Variants in INTS3 observed in about 807,000 individuals in gnomAD.
The protein encoded by INTS3 is SOSS complex subunit A.
Under a neutral mutation model 146.3 loss-of-function variants are expected in INTS3, and 34 were observed. The ratio of observed to expected loss-of-function variants is 0.23; its 90% CI spans 0.18 to 0.31. The LOEUF (loss-of-function observed/expected upper bound fraction) is 0.31. INTS3 is among the 10% of genes least tolerant of loss of function. The pLI, the probability that INTS3 is intolerant of heterozygous loss-of-function variation, is 1.00. For synonymous variants in INTS3, 475 were observed against 494.9 expected (o/e 0.96, Z 0.53); for missense variants, 757 against 1,304.2 (o/e 0.58, Z 6.46).
At chr1:153,744,038 CGTGTGTGTGTGT>C (rs200825280) in intron 3 of INTS3, among the ~76,000 whole-genome samples, 93 of 142,340 alleles carry the variant, frequency 6.5e-4, no homozygotes, top group Non-Finnish European at 8.9e-4. Flanking sequence ...TGTGCATGTG[CGTGTGTGTGTGT>C]GTGTGTGTGT....
In INTS3 at chr1:153,748,772, A is replaced by G. The variant is rs1409475730; in HGVS notation, c.584+17A>G. On this transcript the variant is annotated intron_variant, in intron 6 of 29. Transcript: ENST00000318967. ...AGAGCAAAGGTAGCATCCACCACGA[A>G]GGGTGGGGTACAGGCCAGATAATGG... 5.0e-6 allele frequency: 8 copies of G among 1,602,638 alleles called. No individual in the cohort carries two copies. The highest frequency in any genetic ancestry group is 6.0e-6 in the Non-Finnish European group (7 of 1,169,446).
intron 3 of INTS3, among the ~76,000 whole-genome samples, chr1:153,746,270 G>A (rs9426902): frequency 0.48 from 73,637 of 151,924 alleles, 18,863 homozygotes; most frequent in African/African-American, 0.64. Flanking sequence ...TGACTGGCAG[G>A]TGAAAAGCAG....
chr1:153,769,036 C>G (rs74115713), intron 22 of INTS3, 75 bp downstream of exon 22: 5 of 1,202,650 alleles, frequency 4.2e-6, no homozygotes, highest in Non-Finnish European at 2.5e-6. Flanking sequence ...GCTCTCCCTC[C>G]AGGCCTGCAG....
intron 1 of INTS3, among the ~76,000 whole-genome samples, chr1:153,739,381 T>A (rs1007190157): frequency 2.1e-5 from 3 of 144,584 alleles, no homozygotes; most frequent in African/African-American, 7.8e-5. Flanking sequence ...TCACTCTTGT[T>A]GCCCAGGCTG....
In INTS3 at chr1:153,773,983, T is replaced by C. The variant is rs549265214; in HGVS notation, c.*713T>C. 6.0e-6 allele frequency: 1 copy of C among 166,322 alleles called. No individual in the cohort carries two copies. Among genetic ancestry groups the C allele is most frequent in the Non-Finnish European group, 1.5e-5 (1 of 67,934 alleles). 10.3% of individuals were successfully genotyped at this position (166,322 alleles called of 1,614,324 possible). A position where few individuals can be genotyped will look rare whatever the true frequency, so the allele number is the denominator to read the frequency against. ...TGTCAAATGATCCCATTTCCTTGAG[T>C]CTGTTTTTTTTTTTGTTTTTTTTTG... is the stretch of plus-strand genomic sequence containing the variant. On this transcript the variant is annotated 3_prime_UTR_variant, in exon 30 of 30. Coordinates refer to ENST00000318967, the MANE Select transcript of INTS3 (RefSeq NM_023015.5).
intron 6 of INTS3, among the ~76,000 whole-genome samples, chr1:153,749,467 T>C (rs1262000882): frequency 6.6e-6 from 1 of 152,230 alleles, no homozygotes; most frequent in Non-Finnish European, 1.5e-5. Context: ...GGGCTAATAG[T>C]GTCCATACTA....
chr1:153,752,226 C>T lies in INTS3; in HGVS notation c.730-53C>T, dbSNP rs936176391. ...CTTTGTCCTCCCTCCAGCAGGTAAA[C>T]AATCCATGTTTTTATTCTCTTTCCT... On this transcript the variant is annotated intron_variant, in intron 7 of 29. Transcript: ENST00000318967. 5 of 1,573,586 alleles carry T rather than the reference C, an allele frequency of 3.2e-6. No individual in the cohort carries two copies. In the African/African-American group the frequency reaches 6.8e-5, roughly 21 times the overall value.
chr1:153,750,506 T>G (rs1671918141), intron 6 of INTS3, among the ~76,000 whole-genome samples: 1 of 152,164 alleles, frequency 6.6e-6, no homozygotes, highest in Admixed American at 6.5e-5. Context: ...GGACTCGTTG[T>G]GTATCAGTGA....
At chr1:153,737,246 A>G (rs1164476330) in intron 1 of INTS3, among the ~76,000 whole-genome samples, 3 of 152,182 alleles carry the variant, frequency 2.0e-5, no homozygotes, top group African/African-American at 7.2e-5. Flanking sequence ...GGTTTTTCTT[A>G]AACAGTTTTT....
intron 1 of INTS3, among the ~76,000 whole-genome samples, chr1:153,734,077 T>A (rs1671195987): frequency 6.6e-6 from 1 of 151,982 alleles, no homozygotes; most frequent in African/African-American, 2.4e-5. Context: ...GAAACCATGG[T>A]CAGGTAGTCT....
chr1:153,733,456 C>T (rs1671166960), intron 1 of INTS3, among the ~76,000 whole-genome samples: 1 of 151,330 alleles, frequency 6.6e-6, no homozygotes, highest in Non-Finnish European at 1.5e-5. Context: ...CGTGATCTTC[C>T]TGCCTCAGCT....
intron 1 of INTS3, among the ~76,000 whole-genome samples, chr1:153,732,336 C>G (rs771040652): frequency 1.2e-4 from 18 of 152,222 alleles, no homozygotes; most frequent in South Asian, 2.1e-4. Context: ...TGAGTCACTT[C>G]TAGTTTTTGT....
intron 9 of INTS3, among the ~76,000 whole-genome samples, chr1:153,755,978 TG>T (rs1223267860): frequency 2.0e-5 from 3 of 151,576 alleles, no homozygotes; most frequent in African/African-American, 7.3e-5. Flanking sequence ...AGGCAGAGGT[TG>T]CGATAAGCCA....
In INTS3 at chr1:153,757,904, A is replaced by G; in HGVS notation, c.1149+141A>G. 3.3e-6 allele frequency: 2 copies of G among 608,294 alleles called. No individual in the cohort carries two copies. Among genetic ancestry groups the G allele is most frequent in the Non-Finnish European group, 2.9e-6 (1 of 348,432 alleles). The allele number at this position is 608,294 out of a possible 1,614,324, so 37.7% of individuals were successfully genotyped here. A position where few individuals can be genotyped will look rare whatever the true frequency, so the allele number is the denominator to read the frequency against. On this transcript the variant is annotated intron_variant, in intron 10 of 29. Coordinates refer to ENST00000318967, the MANE Select transcript of INTS3 (RefSeq NM_023015.5). The surrounding 1 kb of genome is among the most constrained non-coding windows in gnomAD (Gnocchi z 4.0). ...GGTCTTCCAGAGTGTCTCAGCCTTCACTTCCCTTTGTGTCTCTAGAAATTT... is the reference window on the plus strand; with the variant it reads ...GGTCTTCCAGAGTGTCTCAGCCTTCGCTTCCCTTTGTGTCTCTAGAAATTT...
chr1:153,759,634 G>A (rs545384604), intron 11 of INTS3, 21 bp downstream of exon 11: 6 of 1,508,308 alleles, frequency 4.0e-6, no homozygotes, highest in Admixed American at 1.7e-5. Flanking sequence ...AAGACCAGGC[G>A]GCTCCACTTC....
Position 153,728,072 on chromosome 1 carries a change from C to G in INTS3, c.-563C>G. On this transcript the variant is annotated 5_prime_UTR_variant, in exon 1 of 30. Transcript: ENST00000318967. Reference sequence around the variant, plus strand: ...TCCGCCTTCCCACCCCCCGCCCTTCCACTATGGCCGCTTCTGTGTGGTGTG... The same window carrying G: ...TCCGCCTTCCCACCCCCCGCCCTTCGACTATGGCCGCTTCTGTGTGGTGTG... The G allele has an allele frequency of 6.0e-6, 1 of 167,790 alleles. No individual in the cohort carries two copies. The highest frequency in any genetic ancestry group is 1.2e-5 in the Non-Finnish European group (1 of 82,622). 10.4% of individuals were successfully genotyped at this position (167,790 alleles called of 1,614,324 possible).
intron 19 of INTS3, 81 bp from the exon 20 acceptor site, chr1:153,764,863 G>A: frequency 6.3e-7 from 1 of 1,583,540 alleles, no homozygotes; most frequent in Non-Finnish European, 8.7e-7. Context: ...GGCACAGACA[G>A]CCCATGCCAC....
chr1:153,765,177 CTGTT>C, intron 20 of INTS3, 114 bp downstream of exon 20: 2 of 1,179,238 alleles, frequency 1.7e-6, no homozygotes, highest in Non-Finnish European at 2.4e-6. Flanking sequence ...CTTTGTGGGT[CTGTT>C]TGGTTGAGTT....
chr1:153,760,882 C>T lies in INTS3; in HGVS notation c.1373C>T (p.Ser458Phe). Residue 458 changes from serine (S) to phenylalanine (F), a missense_variant, in exon 13 of 30, where the codon TCC becomes TTC. By Grantham distance (155) the Ser-to-Phe change is radical. Coordinates refer to ENST00000318967, the MANE Select transcript of INTS3 (RefSeq NM_023015.5). ...LEGHVRQGVF[S>F]SLNHIVEKRV... The stretch of plus-strand genomic sequence containing the variant: ...GGCCACGTGCGGCAGGGTGTCTTTT[C>T]CTCCCTCAACCACATTGTGGAGAAA... The T allele has an allele frequency of 6.2e-7, 1 of 1,614,144 alleles. No individual in the cohort carries two copies. The highest frequency in any genetic ancestry group is 8.5e-7 in the Non-Finnish European group (1 of 1,179,998).
Sources: gnomAD v4.1 joint callset for allele counts (sites outside exome capture counted in the v4.1 genomes callset) on GRCh38, gnomAD v4.1.1 for gene constraint, Gnocchi (gnomAD v3.1) non-coding constraint, MANE v1.5 for transcripts, NCBI Gene and HGNC (gene_info 2026-07-23, HGNC 2026-07-21) for gene names.